The following MAG variants were observed in gnomAD, a reference collection of about 807,000 sequenced individuals.
The protein encoded by MAG is myelin-associated glycoprotein.
A neutral mutation model predicts 60.7 loss-of-function variants in MAG; 30 were observed. The observed-to-expected ratio is 0.49, with a 90% CI of 0.37 to 0.67. The LOEUF (loss-of-function observed/expected upper bound fraction) is 0.67, where lower values mean the gene tolerates loss of function less well. Among genes scored for constraint, MAG ranks in the 30% least tolerant of loss-of-function variants. The pLI is 0.00. For missense variants in MAG, 795 were observed against 851.7 expected, an observed-to-expected ratio of 0.93 and a Z score of 0.83; for synonymous variants, 384 against 376.8, an observed-to-expected ratio of 1.02 and a Z score of -0.22.
At chr19:35,297,259 A>T (rs1470876041) in intron 4 of MAG, among the ~76,000 whole-genome samples, 1 of 145,278 alleles carries the variant, frequency 6.9e-6, no homozygotes, top group Non-Finnish European at 1.5e-5. Flanking sequence ...CACAAACCAC[A>T]CACCACACAC....
At chr19:35,301,574 G>GGC (rs2066448702) in intron 6 of MAG, among the ~76,000 whole-genome samples, 1 of 151,800 alleles carries the variant, frequency 6.6e-6, no homozygotes, top group South Asian at 2.1e-4. Flanking sequence ...TAGAATTATA[G>GGC]GCGCACACCA....
chr19:35,310,781 C>A, intron 9 of MAG, 138 bp downstream of exon 9: 1 of 745,432 alleles, frequency 1.3e-6, no homozygotes, highest in Non-Finnish European at 2.3e-6. Flanking sequence ...GAATGTTCAG[C>A]TGGACAGAGG....
At position 35,309,956 on chromosome 19, in the gene MAG, G is replaced by A. The variant is rs111518896; in HGVS notation, c.1314G>A (p.Pro438=). 3.3e-5 allele frequency: 53 copies of A among 1,614,036 alleles called. No homozygotes were observed. In the African/African-American group the frequency reaches 4.1e-4, roughly 13 times the overall value. The change falls in exon 8 of 11, where the codon CCG becomes CCA. Residue 438 remains proline (P), a synonymous_variant. Coordinates refer to ENST00000392213, the MANE Select transcript of MAG (RefSeq NM_002361.4). ...VQCLCVVKSN[P]EPSVAFELPS... is the part of the protein sequence containing the mutation. Reference sequence around the variant, plus strand: ...GCCTGTGCGTGGTGAAGTCCAACCCGGAGCCGTCCGTGGCCTTTGAGCTGC... The same window carrying A: ...GCCTGTGCGTGGTGAAGTCCAACCCAGAGCCGTCCGTGGCCTTTGAGCTGC...
chr19:35,304,879 CAG>C (rs2066472974), intron 7 of MAG, among the ~76,000 whole-genome samples: 1 of 152,088 alleles, frequency 6.6e-6, no homozygotes, highest in Admixed American at 6.6e-5. Flanking sequence ...CCCTGTGAAA[CAG>C]GGGTGTGTTA....
rs573146433 is a variant in MAG, at chr19:35,313,428, G to A, written c.1855G>A (p.Glu619Lys). 44 of 1,613,462 alleles carry A rather than the reference G, an allele frequency of 2.7e-5. No individual in the cohort carries two copies. The highest frequency in any genetic ancestry group is 1.6e-4 in the South Asian group (15 of 91,026). ...DSYTLTEELA[E>K]YAEIRVK is the part of the protein sequence containing the mutation. ...CTACACGCTGACGGAGGAGCTAGCT[G>A]AGTATGCTGAAATCCGGGTCAAGTG... is the stretch of plus-strand genomic sequence containing the variant. Residue 619 changes from glutamate to lysine, a missense_variant, in exon 11 of 11, where the codon GAG (glutamate) becomes AAG (lysine). Coordinates refer to ENST00000392213, the MANE Select transcript of MAG (RefSeq NM_002361.4).
rs202030552 is a variant in MAG at position 35,300,159 on chromosome 19, T to C, written c.725T>C (p.Ile242Thr). 6 of 1,538,194 alleles carry C rather than the reference T, an allele frequency of 3.9e-6. No homozygotes were observed. Among genetic ancestry groups the C allele is most frequent in the East Asian group, 2.3e-5 (1 of 43,726 alleles). ...ASMDVKYPPV[I>T]VEMNSSVEAI... ...TCGCGGGCCTTAGACCCCCCGGTGA[T>C]TGTGGAGATGAACTCCTCGGTGGAG... The change falls in exon 6 of 11, where the codon ATT becomes ACT. Residue 242 changes from isoleucine to threonine, a missense_variant. By Grantham distance (89) the Ile-to-Thr change is moderately conservative (BLOSUM62 -1). Transcript: ENST00000392213.
intron 10 of MAG, chr19:35,312,523 T>G: frequency 2.4e-5 from 8 of 339,550 alleles, no homozygotes; most frequent in East Asian, 7.6e-5. Flanking sequence ...GTGTCCAAAT[T>G]CCTGTGGCTA....
rs139436358 is a variant in MAG, at chr19:35,309,768, C to T, written c.1232-106C>T. ...ATTGGAGGGCCCTACAGGAAGCTAC[C>T]GCCCCCATCCTTGGCCACACTGGCC... On this transcript the variant is annotated intron_variant, in intron 7 of 10. Transcript: ENST00000392213. 5.7e-4 allele frequency: 699 copies of T among 1,233,964 alleles called. 1 individual carries two copies. The African/African-American group carries it at 9.5e-3, about 17-fold the overall frequency. The allele number at this position is 1,233,964 out of a possible 1,614,324, so 76.4% of individuals were successfully genotyped here.
At chr19:35,303,886 T>C (rs527426630) in intron 7 of MAG, among the ~76,000 whole-genome samples, 3 of 152,012 alleles carry the variant, frequency 2.0e-5, no homozygotes, top group African/African-American at 7.2e-5. Flanking sequence ...CTCTGGAATA[T>C]CGCCTTCCTG....
chr19:35,300,128 G>T lies in MAG; in HGVS notation c.713-19G>T, dbSNP rs1010578243. ...TCCCCAGCACCTGCTCACTAACCTCGCTGTGTCGCGGGCCTTAGACCCCCC... is the reference window on the plus strand; with the variant it reads ...TCCCCAGCACCTGCTCACTAACCTCTCTGTGTCGCGGGCCTTAGACCCCCC... On this transcript the variant is annotated intron_variant, in intron 5 of 10. Transcript: ENST00000392213. 10 of 1,513,898 alleles carry T rather than the reference G, an allele frequency of 6.6e-6. No individual in the cohort carries two copies. Among genetic ancestry groups the T allele is most frequent in the South Asian group, 3.9e-5 (3 of 77,682 alleles). The allele number at this position is 1,513,898 out of a possible 1,614,324, so 93.8% of individuals were successfully genotyped here.
rs56138004 is a variant in MAG, at chr19:35,294,244, C to T, written c.-70C>T. On this transcript the variant is annotated 5_prime_UTR_variant, in exon 2 of 11. Transcript: ENST00000392213. The stretch of plus-strand genomic sequence containing the variant: ...CTCTTGTTGCATGCAGGTTGTCTGG[C>T]GGCTTCAGGTGGACCCAGAAGACGT... 0.14 allele frequency: 60,570 copies of T among 434,098 alleles called. 4,656 individuals are homozygous for T. Among genetic ancestry groups the T allele is most frequent in the Middle Eastern group, 0.23 (688 of 3,004 alleles). The allele number at this position is 434,098 out of a possible 1,614,324, so 26.9% of individuals were successfully genotyped here. A position where few individuals can be genotyped will look rare whatever the true frequency, so the allele number is the denominator to read the frequency against.
At chr19:35,312,114 G>A (rs895522486) in intron 10 of MAG, 97 bp downstream of exon 10, 45 of 1,323,948 alleles carry the variant, frequency 3.4e-5, no homozygotes, top group Non-Finnish European at 4.8e-5. Flanking sequence ...GGGAGTGGGA[G>A]CGGCCTCTCA....
At chr19:35,310,521 G>A (rs202032308) in intron 8 of MAG, 26 bp from the exon 9 acceptor site, 11 of 1,607,582 alleles carry the variant, frequency 6.8e-6, no homozygotes, top group Middle Eastern at 1.7e-4. Context: ...TAGCCCTAAG[G>A]GCGCCTGGGT....
rs2066368622 is a variant in MAG, at chr19:35,293,031, GC to G, written c.-80+832del. Among the ~76,000 whole-genome samples, 1 of 151,980 alleles carries G rather than the reference GC, an allele frequency of 6.6e-6. No homozygotes were observed. The highest frequency in any genetic ancestry group is 1.5e-5 in the Non-Finnish European group (1 of 68,002). Reference sequence around the variant, plus strand: ...CACTGTAATAGCTGAGGTTGATTTGGCCCCCATCCCGAGAACTTGTTTTCCC... The same window carrying G: ...CACTGTAATAGCTGAGGTTGATTTGGCCCCATCCCGAGAACTTGTTTTCCC... On this transcript the variant is annotated intron_variant, in intron 1 of 10. Coordinates refer to ENST00000392213, the MANE Select transcript of MAG (RefSeq NM_002361.4). The surrounding 1 kb of genome is among the most constrained non-coding windows in gnomAD (Gnocchi z 4.0).
chr19:35,311,549 G>A (rs959843034), intron 9 of MAG, among the ~76,000 whole-genome samples: 1 of 152,256 alleles, frequency 6.6e-6, no homozygotes, highest in African/African-American at 2.4e-5. Flanking sequence ...AGCTGCAGCC[G>A]TGTTTCTTTC....
chr19:35,305,213 C>T (rs147719913), intron 7 of MAG, among the ~76,000 whole-genome samples: 3 of 152,222 alleles, frequency 2.0e-5, no homozygotes, highest in African/African-American at 4.8e-5. Context: ...TTGGAGAGTG[C>T]GACCCTCAGG....
chr19:35,304,493 C>T (rs1294782570), intron 7 of MAG, among the ~76,000 whole-genome samples: 1 of 152,156 alleles, frequency 6.6e-6, no homozygotes, highest in Admixed American at 6.5e-5. Context: ...TGGGCCAGAC[C>T]TTGAATCCTC....
At chr19:35,300,044 AGGGCGGGGCCGGACAGTGTTGG>A (rs1275355285) in intron 5 of MAG, 81 bp from the exon 6 acceptor site, 5 of 812,570 alleles carry the variant, frequency 6.2e-6, no homozygotes, top group South Asian at 3.2e-5. Flanking sequence ...GCCAAGGCTG[AGGGCGGGGCCGGACAGTGTTGG>A]GGGCGGGGCC....
chr19:35,312,437 C>T (rs1599660863), intron 10 of MAG: 10 of 943,966 alleles, frequency 1.1e-5, no homozygotes, highest in Middle Eastern at 2.2e-4. Flanking sequence ...TGGTGATGTC[C>T]GGGCCTGCCC....
Sources: allele counts gnomAD v4.1 joint callset (sites outside exome capture counted in the v4.1 genomes callset), GRCh38; gene constraint gnomAD v4.1.1; non-coding constraint Gnocchi (gnomAD v3.1); transcripts MANE v1.5; gene names NCBI Gene and HGNC (gene_info 2026-07-23, HGNC 2026-07-21).